Variants in TKT observed in about 807,000 individuals in gnomAD.
TKT encodes transketolase, also known as epididymis luminal protein 107.
Under a neutral mutation model 63.9 loss-of-function variants are expected in TKT, and 47 were observed. The observed-to-expected ratio is 0.74, with a 90% CI of 0.58 to 0.94. The LOEUF is 0.94. Ranked by LOEUF, TKT falls within the 40% of genes least tolerant of loss-of-function variation. The pLI, the probability that TKT is intolerant of heterozygous loss-of-function variation, is 0.00. For missense variants in TKT, 721 were observed against 846.2 expected (o/e 0.85, Z 1.84); for synonymous variants, 338 against 334.1 (o/e 1.01, Z -0.13).
intron 4 of TKT, 42 bp downstream of exon 4, chr3:53,240,209 C>T: frequency 4.4e-6 from 7 of 1,591,442 alleles, no homozygotes; most frequent in African/African-American, 1.3e-5. Context: ...AGGACCACTC[C>T]CCAAAACTAC....
chr3:53,250,909 G>A (rs562026979), intron 1 of TKT, among the ~76,000 whole-genome samples: 1 of 152,212 alleles, frequency 6.6e-6, no homozygotes, highest in Non-Finnish European at 1.5e-5. Flanking sequence ...AGCCTCCCAA[G>A]TAGCTGGGAC....
At chr3:53,250,416 G>A (rs1276377092) in intron 1 of TKT, among the ~76,000 whole-genome samples, 3 of 152,090 alleles carry the variant, frequency 2.0e-5, no homozygotes, top group African/African-American at 7.2e-5. Flanking sequence ...TGGGACCCCG[G>A]AGCCCACTCA....
intron 1 of TKT, among the ~76,000 whole-genome samples, chr3:53,252,472 T>C (rs1422820746): frequency 6.6e-6 from 1 of 152,268 alleles, no homozygotes; most frequent in Admixed American, 6.5e-5. Context: ...TTTTTGCATA[T>C]TTTAAACATA....
At chr3:53,230,346 C>T in intron 8 of TKT, 111 bp downstream of exon 8, 1 of 1,409,054 alleles carries the variant, frequency 7.1e-7, no homozygotes, top group South Asian at 1.2e-5. Flanking sequence ...TATAGTCTCC[C>T]TGGGCTGGCC....
In TKT at chr3:53,243,435, G is replaced by A. The variant is rs1231263021; in HGVS notation, c.108-1193C>T. On this transcript the variant is annotated intron_variant, in intron 1 of 13. Transcript: ENST00000462138. ...ACATGCACCATCTGGAGCTCACGCC[G>A]CCAGCCTCCCGCCCCTCCAATCAGC... is the stretch of plus-strand genomic sequence containing the variant. 2.2e-5 allele frequency: 8 copies of A among 371,676 alleles called. No individual in the cohort carries two copies. In the East Asian group the frequency reaches 4.6e-4, roughly 22 times the overall value. 23.0% of individuals were successfully genotyped at this position (371,676 alleles called of 1,614,324 possible).
chr3:53,233,120 G>T, intron 6 of TKT, 36 bp downstream of exon 6: 1 of 1,577,276 alleles, frequency 6.3e-7, no homozygotes. Flanking sequence ...TCTGGGCGAG[G>T]GGTGAAGGTG....
intron 1 of TKT, among the ~76,000 whole-genome samples, chr3:53,243,037 T>C (rs1206666510): frequency 6.6e-6 from 1 of 152,124 alleles, no homozygotes; most frequent in South Asian, 2.1e-4. Context: ...CAATCATGTA[T>C]TAATAAAAAC....
chr3:53,230,669 G>A (rs782582128), intron 7 of TKT, 48 bp from the exon 8 acceptor site: 10 of 1,605,300 alleles, frequency 6.2e-6, no homozygotes, highest in Non-Finnish European at 7.7e-6. Flanking sequence ...GAGGGTGAGT[G>A]CACACCTGCA....
chr3:53,242,035 G>T, intron 2 of TKT, 90 bp downstream of exon 2: 2 of 1,242,222 alleles, frequency 1.6e-6, no homozygotes, highest in Non-Finnish European at 2.4e-6. Context: ...GGCCCAGCCA[G>T]GTCTCCTCAA....
At chr3:53,242,340 G>T in intron 1 of TKT, 98 bp from the exon 2 acceptor site, 3 of 1,181,998 alleles carry the variant, frequency 2.5e-6, no homozygotes, top group Non-Finnish European at 3.7e-6. Context: ...CATGTCCTGA[G>T]GAGTCACACA....
intron 1 of TKT, among the ~76,000 whole-genome samples, chr3:53,245,399 G>A (rs1034250556): frequency 5.3e-5 from 8 of 151,316 alleles, no homozygotes; most frequent in Admixed American, 1.3e-4. Context: ...CTCTGTCATC[G>A]CTTTAGTGCT....
Position 53,248,667 on chromosome 3 carries a change from T to C in TKT, c.108-6425A>G, listed in dbSNP as rs184047166. Among the ~76,000 whole-genome samples, 195 of 151,898 alleles carry C rather than the reference T, an allele frequency of 1.3e-3. 2 individuals are homozygous for C. The highest frequency in any genetic ancestry group is 4.6e-3 in the African/African-American group (189 of 41,418). On this transcript the variant is annotated intron_variant, in intron 1 of 13. Coordinates refer to ENST00000462138, the MANE Select transcript of TKT (RefSeq NM_001064.4). ...AAAAGGAACAAAGTACTGATTCATGTTACAACATGGATGACCCTCTAAAAA... is the reference window on the plus strand; with the variant it reads ...AAAAGGAACAAAGTACTGATTCATGCTACAACATGGATGACCCTCTAAAAA...
At chr3:53,232,436 G>A in intron 6 of TKT, 1 of 398,906 alleles carries the variant, frequency 2.5e-6, no homozygotes, top group Non-Finnish European at 4.4e-6. Flanking sequence ...AGGCAGGTGG[G>A]CAGCCAGGGG....
chr3:53,231,807 G>A (rs1704775089), intron 6 of TKT: 1 of 503,028 alleles, frequency 2.0e-6, no homozygotes, highest in Admixed American at 3.7e-5. Flanking sequence ...GGAAAGGAGG[G>A]GCCAGACGTG....
At position 53,230,617 on chromosome 3, in the gene TKT, G is replaced by T; in HGVS notation, c.947C>A (p.Ala316Asp). The T allele has an allele frequency of 6.2e-7, 1 of 1,614,166 alleles. No homozygotes were observed. The highest frequency in any genetic ancestry group is 8.5e-7 in the Non-Finnish European group (1 of 1,180,018). The change falls in exon 8 of 14, where the codon GCC becomes GAC. Residue 316 changes from alanine to aspartate, a missense_variant. Transcript: ENST00000462138. ...LPSYKVGDKI[A>D]TRKAYGQALA... ...TGCCTGCCCGTAGGCCTTGCGGGTGGCTATCTGTGAGGAAGAGAGTGGGAA... is the reference window on the plus strand; with the variant it reads ...TGCCTGCCCGTAGGCCTTGCGGGTGTCTATCTGTGAGGAAGAGAGTGGGAA...
At chr3:53,234,367 T>G (rs1247805854) in intron 5 of TKT, 8 of 152,530 alleles carry the variant, frequency 5.2e-5, no homozygotes, top group Non-Finnish European at 1.2e-4. Flanking sequence ...CTCCACAGCC[T>G]CCTCAGCCAA....
At chr3:53,250,848 C>G (rs76498458) in intron 1 of TKT, among the ~76,000 whole-genome samples, 1,572 of 152,130 alleles carry the variant, frequency 0.01, 22 homozygotes, top group African/African-American at 0.036. Flanking sequence ...GAGCCATGAT[C>G]ATAACTCACT....
chr3:53,248,161 C>T (rs1490623957), intron 1 of TKT, among the ~76,000 whole-genome samples: 1 of 152,174 alleles, frequency 6.6e-6, no homozygotes, highest in East Asian at 1.9e-4. Context: ...TTAGCAATTG[C>T]TCAGTAAATA....
intron 4 of TKT, among the ~76,000 whole-genome samples, chr3:53,236,286 C>T (rs964290698): frequency 1.9e-4 from 29 of 152,236 alleles, no homozygotes; most frequent in African/African-American, 5.5e-4. Flanking sequence ...GCCTCCCTGC[C>T]GCAGGGCCAA....
Sources: gnomAD v4.1 joint callset for allele counts (sites outside exome capture counted in the v4.1 genomes callset) on GRCh38, gnomAD v4.1.1 for gene constraint, MANE v1.5 for transcripts, NCBI Gene and HGNC (gene_info 2026-07-23, HGNC 2026-07-21) for gene names.